Variants in CBLN2 observed in about 807,000 individuals in gnomAD.
The protein encoded by CBLN2 is cerebellin 2 precursor, also known as cerebellin-2.
Under a neutral mutation model 15.0 loss-of-function variants are expected in CBLN2, and 7 were observed. The observed-to-expected ratio is 0.47, with a 90% CI of 0.27 to 0.88. The LOEUF (loss-of-function observed/expected upper bound fraction) is 0.88. Ranked by LOEUF, CBLN2 falls within the 40% of genes least tolerant of loss-of-function variation. CBLN2 has a pLI of 0.14. For synonymous variants in CBLN2, 149 were observed against 135.2 expected, an observed-to-expected ratio of 1.10 and a Z score of -0.71; for missense variants, 242 against 304.5, an observed-to-expected ratio of 0.79 and a Z score of 1.53.
intron 1 of CBLN2, among the ~76,000 whole-genome samples, chr18:72,633,028 G>A (rs1236259042): frequency 6.6e-6 from 1 of 152,114 alleles, no homozygotes; most frequent in East Asian, 1.9e-4. Flanking sequence ...TTCCTTGTTT[G>A]TTAAATGAAA....
At chr18:72,557,198 T>C (rs1472913948) in intron 1 of CBLN2, among the ~76,000 whole-genome samples, 4 of 152,068 alleles carry the variant, frequency 2.6e-5, no homozygotes, top group Non-Finnish European at 5.9e-5. Context: ...TCTTTGATTT[T>C]CTCATAAAAT....
intron 1 of CBLN2, among the ~76,000 whole-genome samples, chr18:72,608,525 AT>A (rs2069599758): frequency 6.6e-6 from 1 of 152,086 alleles, no homozygotes; most frequent in Non-Finnish European, 1.5e-5. Context: ...TGGATTTCAC[AT>A]TTTTCTAAAT....
At chr18:72,565,147 A>G (rs2069286108) in intron 1 of CBLN2, among the ~76,000 whole-genome samples, 2 of 152,210 alleles carry the variant, frequency 1.3e-5, no homozygotes, top group Non-Finnish European at 1.5e-5. Context: ...GAAGTACTTT[A>G]ACTGAAAGAG....
At chr18:72,582,037 C>A (rs1369900539) in intron 1 of CBLN2, among the ~76,000 whole-genome samples, 1 of 152,130 alleles carries the variant, frequency 6.6e-6, no homozygotes, top group Non-Finnish European at 1.5e-5. Context: ...TGTGACATTT[C>A]TGTTGTAAAT....
chr18:72,608,910 G>T (rs1013466282), intron 1 of CBLN2, among the ~76,000 whole-genome samples: 2 of 152,166 alleles, frequency 1.3e-5, no homozygotes, highest in African/African-American at 4.8e-5. Context: ...GGGAGCTTGT[G>T]CAGGGGAACT....
At chr18:72,581,422 G>T (rs1291017069) in intron 1 of CBLN2, among the ~76,000 whole-genome samples, 1 of 152,068 alleles carries the variant, frequency 6.6e-6, no homozygotes, top group African/African-American at 2.4e-5. Context: ...CATTCTTATG[G>T]ATGTTATAAT....
intron 1 of CBLN2, among the ~76,000 whole-genome samples, chr18:72,576,283 A>G (rs2144912471): frequency 6.6e-6 from 1 of 152,308 alleles, no homozygotes; most frequent in South Asian, 2.1e-4. Flanking sequence ...GTTATGAAGT[A>G]AGCACACATT....
At chr18:72,614,307 C>T (rs1008167680) in intron 1 of CBLN2, among the ~76,000 whole-genome samples, 1 of 152,150 alleles carries the variant, frequency 6.6e-6, no homozygotes, top group Non-Finnish European at 1.5e-5. Context: ...ATAGGTAACA[C>T]ATCGAACTTT....
chr18:72,626,399 C>T (rs113415259), intron 1 of CBLN2, among the ~76,000 whole-genome samples: 5,188 of 152,016 alleles, frequency 0.034, 315 homozygotes, highest in African/African-American at 0.12. Flanking sequence ...TTCCCTTAGC[C>T]ATACACTCAC....
intron 1 of CBLN2, among the ~76,000 whole-genome samples, chr18:72,623,618 G>T (rs1240840607): frequency 6.6e-6 from 1 of 152,060 alleles, no homozygotes; most frequent in Non-Finnish European, 1.5e-5. Flanking sequence ...ACCTCATCAC[G>T]CTGCAGACAA....
At chr18:72,583,172 G>T (rs1046086435) in intron 1 of CBLN2, among the ~76,000 whole-genome samples, 2 of 152,142 alleles carry the variant, frequency 1.3e-5, no homozygotes, top group East Asian at 1.9e-4. Flanking sequence ...TGCCTGGCAG[G>T]CAAGTTTCTC....
intron 1 of CBLN2, among the ~76,000 whole-genome samples, chr18:72,570,537 T>C (rs1013214801): frequency 6.6e-6 from 1 of 151,992 alleles, no homozygotes; most frequent in Admixed American, 6.6e-5. Flanking sequence ...CGTGAGCCAC[T>C]GTGCCCAGCC....
intron 1 of CBLN2, among the ~76,000 whole-genome samples, chr18:72,580,924 C>T (rs1240835024): frequency 2.0e-5 from 3 of 152,180 alleles, no homozygotes; most frequent in Admixed American, 2.0e-4. Context: ...CCACCTTGGC[C>T]CCATCCTGCC....
chr18:72,624,243 C>G (rs1036324701), intron 1 of CBLN2, among the ~76,000 whole-genome samples: 21 of 151,732 alleles, frequency 1.4e-4, no homozygotes, highest in Non-Finnish European at 8.8e-5. Context: ...CCACAAAGGA[C>G]CATCCTGCCC....
chr18:72,637,242 C>G (rs2069819315), intron 1 of CBLN2, among the ~76,000 whole-genome samples: 3 of 150,660 alleles, frequency 2.0e-5, no homozygotes, highest in African/African-American at 7.3e-5. Context: ...TAAATACTTG[C>G]AGACAGCTCA....
At chr18:72,632,975 A>T (rs1438456536) in intron 1 of CBLN2, among the ~76,000 whole-genome samples, 1 of 152,212 alleles carries the variant, frequency 6.6e-6, no homozygotes, top group Non-Finnish European at 1.5e-5. Context: ...AAACGAATGC[A>T]ATGTGATTTT....
chr18:72,585,670 C>T (rs2069437759), intron 1 of CBLN2, among the ~76,000 whole-genome samples: 1 of 152,210 alleles, frequency 6.6e-6, no homozygotes, highest in South Asian at 2.1e-4. Context: ...AGTGGGACTT[C>T]ACCAAGGACC....
intron 1 of CBLN2, among the ~76,000 whole-genome samples, chr18:72,632,581 C>T (rs2069784425): frequency 6.6e-6 from 1 of 152,132 alleles, no homozygotes; most frequent in Admixed American, 6.5e-5. Flanking sequence ...CCATGACTGT[C>T]TTCTTAGGAC....
intron 1 of CBLN2, among the ~76,000 whole-genome samples, chr18:72,563,448 T>C (rs752537661): frequency 1.8e-4 from 28 of 152,098 alleles, no homozygotes; most frequent in Non-Finnish European, 2.1e-4. Flanking sequence ...AGATGCCTAA[T>C]TTCCCCCCAC....
Sources: allele counts gnomAD v4.1 joint callset (sites outside exome capture counted in the v4.1 genomes callset), GRCh38; gene constraint gnomAD v4.1.1; transcripts MANE v1.5; gene names NCBI Gene and HGNC (gene_info 2026-07-23, HGNC 2026-07-21).